RERE: variants seen among roughly 807,000 people sequenced by gnomAD.
RERE encodes arginine-glutamic acid dipeptide repeats.
In RERE, 40 loss-of-function variants were observed where a neutral mutation model predicts 146.1. The ratio of observed to expected loss-of-function variants is 0.27; its 90% confidence interval spans 0.21 to 0.36. The LOEUF (loss-of-function observed/expected upper bound fraction) is 0.36, where lower values mean the gene tolerates loss of function less well. Ranked by LOEUF, RERE falls within the 10% of genes least tolerant of loss-of-function variation. The probability of loss-of-function intolerance (pLI) is 1.00; values close to 1 mark genes in which losing one functional copy is unlikely to be tolerated. For synonymous variants in RERE, 1,003 were observed against 866.0 expected, an observed-to-expected ratio of 1.16 and a Z score of -2.78; for missense variants, 1,933 against 2,138.7, an observed-to-expected ratio of 0.90 and a Z score of 1.90.
Position 8,738,601 on chromosome 1 carries a change from C to A in RERE, c.-145+78559G>T, listed in dbSNP as rs554843127. On this transcript the variant is annotated intron_variant, in intron 1 of 22. Transcript: ENST00000400908. ...CTGGTCATCCTCTATCCCTGACACC[C>A]ACCACATTGCCCAGCAGACAACAGC... 1.1e-3 allele frequency among the ~76,000 whole-genome samples: 160 copies of A among 152,166 alleles called. 1 individual carries two copies. The highest frequency in any genetic ancestry group is 1.9e-3 in the Non-Finnish European group (126 of 68,030).
intron 11 of RERE, among the ~76,000 whole-genome samples, chr1:8,450,750 C>T (rs887023149): frequency 6.6e-6 from 1 of 152,192 alleles, no homozygotes; most frequent in African/African-American, 2.4e-5. Context: ...CCGGGTTCCC[C>T]CATCACAGTG....
intron 7 of RERE, among the ~76,000 whole-genome samples, chr1:8,531,013 CTAT>C (rs1440722485): frequency 1.2e-5 from 1 of 81,540 alleles, no homozygotes; most frequent in African/African-American, 5.5e-5. Context: ...AGTTTTCTAT[CTAT>C]CTATCTATCT....
intron 2 of RERE, among the ~76,000 whole-genome samples, chr1:8,625,852 G>A (rs1169148504): frequency 1.2e-4 from 19 of 152,126 alleles, no homozygotes; most frequent in Admixed American, 1.2e-3. Context: ...AGAACATCAG[G>A]ATCTTTGTAC....
rs543998881 is a variant in RERE at position 8,557,678 on chromosome 1, T to C, written c.523-155A>G. Among the ~76,000 whole-genome samples, 6 of 152,300 alleles carry C rather than the reference T, an allele frequency of 3.9e-5. No individual in the cohort carries two copies. In the East Asian group the frequency reaches 1.2e-3, roughly 29 times the overall value. The stretch of plus-strand genomic sequence containing the variant: ...ACCACAACAATACATAAGTCAGTTA[T>C]GAGGTCAAGTTTTGTTTTTTAAAAA... On this transcript the variant is annotated intron_variant, in intron 4 of 22. Coordinates refer to ENST00000400908, the MANE Select transcript of RERE (RefSeq NM_001042681.2).
chr1:8,365,709 C>A (rs910007103), intron 13 of RERE, 103 bp downstream of exon 13: 1 of 1,351,508 alleles, frequency 7.4e-7, no homozygotes, highest in South Asian at 1.3e-5. Flanking sequence ...TGCACACCCC[C>A]TCATGCTTCC....
At chr1:8,513,374 A>C (rs1432860846) in intron 7 of RERE, among the ~76,000 whole-genome samples, 2 of 152,240 alleles carry the variant, frequency 1.3e-5, no homozygotes, top group Non-Finnish European at 2.9e-5. Flanking sequence ...TAGAAAAGAC[A>C]GCTAGATTCT....
chr1:8,359,725 C>T (rs1641475690), intron 19 of RERE, 39 bp downstream of exon 19: 1 of 1,591,228 alleles, frequency 6.3e-7, no homozygotes, highest in African/African-American at 1.3e-5. Flanking sequence ...GCAGGATGGA[C>T]CAGCGCCCCC....
intron 4 of RERE, among the ~76,000 whole-genome samples, chr1:8,566,030 T>G (rs1646148413): frequency 6.6e-6 from 1 of 152,230 alleles, no homozygotes. Context: ...AACATTTTGT[T>G]TCATTTTGAG....
At chr1:8,375,452 G>C (rs1374007177) in intron 12 of RERE, among the ~76,000 whole-genome samples, 1 of 152,262 alleles carries the variant, frequency 6.6e-6, no homozygotes, top group Non-Finnish European at 1.5e-5. Flanking sequence ...GCCGATGTTT[G>C]GAAGTGGCTG....
At chr1:8,807,299 C>T (rs1268852090) in intron 1 of RERE, among the ~76,000 whole-genome samples, 1 of 152,144 alleles carries the variant, frequency 6.6e-6, no homozygotes, top group African/African-American at 2.4e-5. Flanking sequence ...AGGGAGCCTC[C>T]TGCCTCGACC....
rs367752324 is a variant in RERE at position 8,591,283 on chromosome 1, A to T, written c.522+23278T>A. 5.5e-4 allele frequency among the ~76,000 whole-genome samples: 84 copies of T among 152,332 alleles called. 1 individual carries two copies. The South Asian group carries it at 6.0e-3, about 11-fold the overall frequency. On this transcript the variant is annotated intron_variant, in intron 4 of 22. Coordinates refer to ENST00000400908, the MANE Select transcript of RERE (RefSeq NM_001042681.2). The stretch of plus-strand genomic sequence containing the variant: ...GGCTTTTCTGGGATAAAACAAGTAG[A>T]AAAGTTATATATTGTACAAAAAGAA...
At chr1:8,406,249 T>C (rs1643434951) in intron 12 of RERE, among the ~76,000 whole-genome samples, 1 of 152,056 alleles carries the variant, frequency 6.6e-6, no homozygotes, top group East Asian at 1.9e-4. Context: ...TATTTTTATT[T>C]TTTTGTAGAG....
intron 2 of RERE, among the ~76,000 whole-genome samples, chr1:8,629,830 T>A (rs1207325951): frequency 6.6e-6 from 1 of 152,222 alleles, no homozygotes; most frequent in Non-Finnish European, 1.5e-5. Context: ...TGAAATACCT[T>A]CTCATCCCTT....
intron 12 of RERE, among the ~76,000 whole-genome samples, chr1:8,379,806 G>A (rs1642381831): frequency 6.6e-6 from 1 of 152,214 alleles, no homozygotes; most frequent in Non-Finnish European, 1.5e-5. Flanking sequence ...AGAGCCAGGA[G>A]CTCCCTTTTC....
At chr1:8,363,922 G>A (rs1250639447) in intron 15 of RERE, 134 bp downstream of exon 15, 1 of 809,610 alleles carries the variant, frequency 1.2e-6, no homozygotes, top group South Asian at 1.7e-5. Context: ...TACCGCCTCG[G>A]GCAAAGCAGC....
At chr1:8,425,370 C>A (rs1643996966) in intron 11 of RERE, among the ~76,000 whole-genome samples, 1 of 152,108 alleles carries the variant, frequency 6.6e-6, no homozygotes, top group African/African-American at 2.4e-5. Context: ...GTCATCTGGC[C>A]AAGCATAAAG....
At chr1:8,413,724 G>A (rs1311023929) in intron 12 of RERE, among the ~76,000 whole-genome samples, 1 of 152,048 alleles carries the variant, frequency 6.6e-6, no homozygotes, top group African/African-American at 2.4e-5. Flanking sequence ...AACCAGCCTG[G>A]GGAGGAGCAG....
intron 12 of RERE, among the ~76,000 whole-genome samples, chr1:8,388,732 T>A (rs543097525): frequency 6.8e-4 from 86 of 126,434 alleles, no homozygotes; most frequent in African/African-American, 2.1e-3. Context: ...CTAAAAAAAA[T>A]TTAAACCAGA....
chr1:8,598,917 T>C (rs1646587306), intron 4 of RERE, among the ~76,000 whole-genome samples: 1 of 152,210 alleles, frequency 6.6e-6, no homozygotes, highest in African/African-American at 2.4e-5. Context: ...CAGCACTGAC[T>C]TCAAAACACT....
Sources: gnomAD v4.1 joint callset for allele counts (sites outside exome capture counted in the v4.1 genomes callset) on GRCh38, gnomAD v4.1.1 for gene constraint, MANE v1.5 for transcripts, NCBI Gene and HGNC (gene_info 2026-07-23, HGNC 2026-07-21) for gene names.